FXN: variants seen among roughly 807,000 people sequenced by gnomAD.
FXN encodes frataxin.
In FXN, 14 loss-of-function variants were observed where a neutral mutation model predicts 22.4. The ratio of observed to expected loss-of-function variants is 0.62; its 90% confidence interval spans 0.41 to 0.98. The LOEUF (loss-of-function observed/expected upper bound fraction) is 0.98. Ranked by LOEUF, FXN falls within the 50% of genes least tolerant of loss-of-function variation. The pLI is 0.00. For missense variants in FXN, 267 were observed against 268.4 expected, an observed-to-expected ratio of 0.99 and a Z score of 0.04; for synonymous variants, 120 against 114.1, an observed-to-expected ratio of 1.05 and a Z score of -0.33.
Position 69,075,395 on chromosome 9 carries a change from G to T in FXN, c.*2633G>T. On this transcript the variant is annotated 3_prime_UTR_variant, in exon 5 of 5. Coordinates refer to ENST00000484259, the MANE Select transcript of FXN (RefSeq NM_000144.5). ...GAATCGCTGTAACCTGGGGGGTGGA[G>T]GTTGCAGTGAGACGAGATCATGCCA... The T allele has an allele frequency of 1.3e-6, 1 of 757,934 alleles. No homozygotes were observed. The highest frequency in any genetic ancestry group is 1.6e-6 in the Non-Finnish European group (1 of 623,124). 47.0% of individuals were successfully genotyped at this position (757,934 alleles called of 1,614,324 possible).
At chr9:69,053,331 C>T in intron 3 of FXN, 71 bp downstream of exon 3, 2 of 1,533,442 alleles carry the variant, frequency 1.3e-6, no homozygotes, top group Middle Eastern at 1.7e-4. Context: ...TGAAGAATTT[C>T]CCTCCAGCAG....
intron 4 of FXN, 147 bp from the exon 5 acceptor site, chr9:69,072,465 A>G (rs1832292174): frequency 7.4e-7 from 1 of 1,358,706 alleles, no homozygotes; most frequent in Admixed American, 1.8e-5. Context: ...AGATGCTAAG[A>G]TAAGAAGGCA....
intron 4 of FXN, chr9:69,071,256 A>G (rs1356874457): frequency 3.9e-6 from 2 of 518,814 alleles, no homozygotes; most frequent in Admixed American, 1.9e-5. Context: ...TGTGACCCTG[A>G]TGGTTTGGTT....
intron 1 of FXN, among the ~76,000 whole-genome samples, chr9:69,042,845 T>C (rs1175987127): frequency 1.3e-5 from 2 of 152,196 alleles, no homozygotes; most frequent in Non-Finnish European, 2.9e-5. Flanking sequence ...TGAGCACTGC[T>C]TTAATTCCTG....
chr9:69,076,289 T>C lies in FXN; in HGVS notation c.*3527T>C. ...GCCTGGGCCCACAGGCAAAGCACAATCCTGATGTGAGAAGTACTCAGTTCA... is the reference window on the plus strand; with the variant it reads ...GCCTGGGCCCACAGGCAAAGCACAACCCTGATGTGAGAAGTACTCAGTTCA... On this transcript the variant is annotated 3_prime_UTR_variant, in exon 5 of 5. Coordinates refer to ENST00000484259, the MANE Select transcript of FXN (RefSeq NM_000144.5). 1.0e-6 allele frequency: 1 copy of C among 984,452 alleles called. No homozygotes were observed. Among genetic ancestry groups the C allele is most frequent in the Non-Finnish European group, 1.2e-6 (1 of 829,658 alleles). 61.0% of individuals were successfully genotyped at this position (984,452 alleles called of 1,614,324 possible).
intron 4 of FXN, among the ~76,000 whole-genome samples, chr9:69,070,639 G>A (rs1832256484): frequency 6.6e-6 from 1 of 152,162 alleles, no homozygotes; most frequent in Admixed American, 6.5e-5. Flanking sequence ...GGTTGATGCT[G>A]CAGTTGCTCT....
rs1832360436 is a variant in FXN at position 69,075,983 on chromosome 9, G to A, written c.*3221G>A. The A allele has an allele frequency of 2.0e-6, 2 of 978,722 alleles. No individual in the cohort carries two copies. Among genetic ancestry groups the A allele is most frequent in the Admixed American group, 6.2e-5 (1 of 16,250 alleles). The allele number at this position is 978,722 out of a possible 1,614,324, so 60.6% of individuals were successfully genotyped here. ...TCCTCCCAAGATGCTGGGATTACAG[G>A]TGTGTGCCACAGGTGTTCATCAGAA... On this transcript the variant is annotated 3_prime_UTR_variant, in exon 5 of 5. Transcript: ENST00000484259.
Position 69,072,835 on chromosome 9 carries a change from G to T in FXN, c.*73G>T. On this transcript the variant is annotated 3_prime_UTR_variant, in exon 5 of 5. Transcript: ENST00000484259. Reference sequence around the variant, plus strand: ...CAGCTTCATTATGCAGCTGAGGTCTGTTTTTTGTTGTTGTTGTTGTTTATT... The same window carrying T: ...CAGCTTCATTATGCAGCTGAGGTCTTTTTTTTGTTGTTGTTGTTGTTTATT... The T allele has an allele frequency of 6.3e-7, 1 of 1,581,476 alleles. No individual in the cohort carries two copies.
At chr9:69,070,257 C>A (rs1832250278) in intron 4 of FXN, among the ~76,000 whole-genome samples, 1 of 152,008 alleles carries the variant, frequency 6.6e-6, no homozygotes, top group African/African-American at 2.4e-5. Context: ...GAAAACGGCC[C>A]AGGAAGGCTG....
intron 4 of FXN, 70 bp downstream of exon 4, chr9:69,065,105 A>T: frequency 1.6e-6 from 2 of 1,232,116 alleles, no homozygotes; most frequent in Non-Finnish European, 2.4e-6. Context: ...ATTGTGGACC[A>T]TTTAAGAAAT....
In FXN at chr9:69,078,281, GCCACCTGAT is replaced by G. The variant is rs1481819954; in HGVS notation, c.*5522_*5530del. On this transcript the variant is annotated 3_prime_UTR_variant, in exon 5 of 5. Transcript: ENST00000484259. ...AGTTATGCAAACCGTCCAGAGCATA[GCCACCTGAT>G]CCTGCTGGGATTCCTCTTGCCAGTC... The G allele has an allele frequency of 1.2e-4, 122 of 985,322 alleles. No individual in the cohort carries two copies. Among genetic ancestry groups the G allele is most frequent in the Non-Finnish European group, 1.4e-4 (117 of 829,968 alleles). 61.0% of individuals were successfully genotyped at this position (985,322 alleles called of 1,614,324 possible). A position where few individuals can be genotyped will look rare whatever the true frequency, so the allele number is the denominator to read the frequency against.
At chr9:69,070,290 AG>A (rs1173104187) in intron 4 of FXN, among the ~76,000 whole-genome samples, 2 of 152,154 alleles carry the variant, frequency 1.3e-5, no homozygotes, top group Non-Finnish European at 2.9e-5. Context: ...GTCCATTGAG[AG>A]AGTGCTCCAG....
chr9:69,045,123 C>T (rs540385883), intron 1 of FXN, among the ~76,000 whole-genome samples: 1 of 152,240 alleles, frequency 6.6e-6, no homozygotes, highest in East Asian at 1.9e-4. Flanking sequence ...ACAGGATTCT[C>T]GAAACTGGTG....
chr9:69,044,244 A>C (rs1325059299), intron 1 of FXN, among the ~76,000 whole-genome samples: 2 of 152,194 alleles, frequency 1.3e-5, no homozygotes, highest in Admixed American at 1.3e-4. Flanking sequence ...CGTCCCTCAC[A>C]GGATTGTAAT....
Position 69,064,946 on chromosome 9 carries a change from C to G in FXN, c.393C>G (p.Val131=). The change falls in exon 4 of 5, where the codon GTC becomes GTG. Residue 131 remains valine (V), a synonymous_variant. Transcript: ENST00000484259. ...EDYDVSFGSG[V]LTVKLGGDLG... The stretch of plus-strand genomic sequence containing the variant: ...TCCACCTAATCCCCTAGAGTGGTGT[C>G]TTAACTGTCAAACTGGGTGGAGATC... 1.2e-6 allele frequency: 2 copies of G among 1,612,014 alleles called. No homozygotes were observed. The highest frequency in any genetic ancestry group is 1.3e-5 in the African/African-American group (1 of 74,992).
intron 2 of FXN, 31 bp from the exon 3 acceptor site, chr9:69,053,109 T>G: frequency 6.2e-7 from 1 of 1,610,634 alleles, no homozygotes; most frequent in Non-Finnish European, 8.5e-7. Flanking sequence ...CATTTGGTAA[T>G]CATGTTTTGG....
chr9:69,047,245 A>G (rs1831771653), intron 2 of FXN, among the ~76,000 whole-genome samples: 1 of 152,052 alleles, frequency 6.6e-6, no homozygotes, highest in Non-Finnish European at 1.5e-5. Flanking sequence ...TGGTCACCAC[A>G]GCCACCTCCG....
chr9:69,051,290 C>T (rs777641173), intron 2 of FXN, among the ~76,000 whole-genome samples: 2 of 152,122 alleles, frequency 1.3e-5, no homozygotes, highest in Non-Finnish European at 2.9e-5. Context: ...GAGACGGGGT[C>T]TCTGTTGTCT....
chr9:69,045,472 A>G (rs1033956271), intron 1 of FXN, among the ~76,000 whole-genome samples: 5 of 152,176 alleles, frequency 3.3e-5, no homozygotes, highest in Admixed American at 2.6e-4. Context: ...GGGTGCCTGT[A>G]ATCCCAGCTA....
Sources: gnomAD v4.1 joint callset for allele counts (sites outside exome capture counted in the v4.1 genomes callset) on GRCh38, gnomAD v4.1.1 for gene constraint, MANE v1.5 for transcripts, NCBI Gene and HGNC (gene_info 2026-07-23, HGNC 2026-07-21) for gene names.